Variants in SERAC1 observed in about 807,000 individuals in gnomAD.
SERAC1 encodes protein SERAC1.
In SERAC1, 36 loss-of-function variants were observed where a neutral mutation model predicts 85.7. That is an observed-to-expected ratio of 0.42 (90% CI 0.32 to 0.55). The LOEUF (loss-of-function observed/expected upper bound fraction) is 0.55. Among genes scored for constraint, SERAC1 ranks in the 20% least tolerant of loss-of-function variants. SERAC1 has a pLI of 0.11. For missense variants in SERAC1, 629 were observed against 796.2 expected (o/e 0.79, Z 2.53); for synonymous variants, 242 against 265.3 (o/e 0.91, Z 0.85).
In SERAC1 at chr6:158,111,397, C is replaced by T. The variant is rs775296113; in HGVS notation, c.1934G>A (p.Arg645His). The T allele has an allele frequency of 7.4e-5, 119 of 1,603,018 alleles. No homozygotes were observed. Among genetic ancestry groups the T allele is most frequent in the Non-Finnish European group, 9.2e-5 (108 of 1,176,902 alleles). ...FLYQRTLQFIREALAKDLEN is the reference protein window; with the variant it reads ...FLYQRTLQFIHEALAKDLEN ...TTCAAGGTCTTTGGCTAAAGCTTCA[C>T]GAATGAATTGTAAAGTACGCTGGTA... The change falls in exon 17 of 17, where the codon CGT becomes CAT. Residue 645 changes from arginine to histidine, a missense_variant. By Grantham distance (29) the Arg-to-His change is conservative (BLOSUM62 0). Transcript: ENST00000647468.
Position 158,143,339 on chromosome 6 carries a change from CTCTCTCTCTATATA to C in SERAC1, c.610-169_610-156del, listed in dbSNP as rs1461009012. 2.9e-3 allele frequency among the ~76,000 whole-genome samples: 68 copies of C among 23,300 alleles called. 2 individuals carry two copies. The highest frequency in any genetic ancestry group is 8.0e-3 in the Admixed American group (15 of 1,880). The allele number at this position is 23,300 out of a possible 152,430, so 15.3% of individuals were successfully genotyped here. ...TCTCTCTCTCTCTCTCTCTCTCTCT[CTCTCTCTCTATATA>C]TATATATATATATATATATATACAC... On this transcript the variant is annotated intron_variant, in intron 7 of 16. Transcript: ENST00000647468.
At position 158,143,167 on chromosome 6, in the gene SERAC1, T is replaced by G; in HGVS notation, c.627A>C (p.Glu209Asp). The G allele has an allele frequency of 6.2e-7, 1 of 1,613,518 alleles. No individual in the cohort carries two copies. The highest frequency in any genetic ancestry group is 8.5e-7 in the Non-Finnish European group (1 of 1,179,736). ...PSLKEDSSTE[E>D]ELRQLLASLP... is the part of the protein sequence containing the mutation. ...AGGAAGCCAGCAACTGTCTGAGCTCTTCTTCAGTGGAAGAATCCTGAAATA... is the reference window on the plus strand; with the variant it reads ...AGGAAGCCAGCAACTGTCTGAGCTCGTCTTCAGTGGAAGAATCCTGAAATA... The change falls in exon 8 of 17, where the codon GAA (glutamate) becomes GAC (aspartate). Residue 209 changes from glutamate to aspartate, a missense_variant. By Grantham distance (45) the Glu-to-Asp change is conservative. Coordinates refer to ENST00000647468, the MANE Select transcript of SERAC1 (RefSeq NM_032861.4).
intron 1 of SERAC1, chr6:158,158,881 A>G (rs1328255102): frequency 2.0e-5 from 3 of 152,244 alleles, no homozygotes; most frequent in Non-Finnish European, 4.4e-5. Context: ...CGTTGTTTAA[A>G]ATTTTTGAAA....
chr6:158,154,957 C>A (rs980260811), intron 3 of SERAC1, among the ~76,000 whole-genome samples: 8 of 126,920 alleles, frequency 6.3e-5, no homozygotes, highest in South Asian at 2.8e-4. Context: ...GATTTAAGTG[C>A]GCCGGAGCTG....
chr6:158,144,252 A>T (rs1219720006), intron 7 of SERAC1, 47 bp downstream of exon 7: 3 of 1,478,348 alleles, frequency 2.0e-6, no homozygotes, highest in Non-Finnish European at 2.8e-6. Context: ...ATAATATATT[A>T]AACCATTTTT....
At chr6:158,133,378 A>AT (rs767768720) in intron 8 of SERAC1, among the ~76,000 whole-genome samples, 1,456 of 66,366 alleles carry the variant, frequency 0.022, 24 homozygotes, top group Middle Eastern at 0.061. Context: ...TCTGGTGTTA[A>AT]TTTTTTTTTT....
rs549677025 is a variant in SERAC1 at position 158,146,811 on chromosome 6, C to T, written c.458G>A (p.Arg153Gln). 1.4e-5 allele frequency: 22 copies of T among 1,613,882 alleles called. No individual in the cohort carries two copies. The highest frequency in any genetic ancestry group is 5.5e-5 in the South Asian group (5 of 91,070). Reference sequence around the variant, plus strand: ...CCAGTGATGGGTCTCCGACATTTCCCGCACAGCCTCGAGTCGCGTGGTTTT... The same window carrying T: ...CCAGTGATGGGTCTCCGACATTTCCTGCACAGCCTCGAGTCGCGTGGTTTT... ...DDKTTRLEAV[R>Q]EMSETHHWHD... is the part of the protein sequence containing the mutation. Residue 153 changes from arginine to glutamine, a missense_variant, in exon 6 of 17, where the codon CGG (arginine) becomes CAG (glutamine). Coordinates refer to ENST00000647468, the MANE Select transcript of SERAC1 (RefSeq NM_032861.4).
At chr6:158,141,774 G>T (rs981127117) in intron 8 of SERAC1, among the ~76,000 whole-genome samples, 9 of 152,148 alleles carry the variant, frequency 5.9e-5, no homozygotes, top group African/African-American at 2.2e-4. Flanking sequence ...ATACAGAAAG[G>T]GCTATAGAGG....
At chr6:158,121,801 A>T (rs550354264) in intron 10 of SERAC1, among the ~76,000 whole-genome samples, 1 of 152,344 alleles carries the variant, frequency 6.6e-6, no homozygotes, top group East Asian at 1.9e-4. Context: ...TTTATTTTTA[A>T]TGAAGTCACA....
intron 1 of SERAC1, among the ~76,000 whole-genome samples, chr6:158,165,774 G>A (rs531468494): frequency 1.7e-4 from 26 of 152,218 alleles, no homozygotes; most frequent in Admixed American, 2.6e-4. Flanking sequence ...ACGCAGAGTT[G>A]CTCTTCTCTA....
At chr6:158,111,572 G>A (rs980871833) in intron 16 of SERAC1, 70 bp from the exon 17 acceptor site, 3 of 1,235,500 alleles carry the variant, frequency 2.4e-6, no homozygotes, top group African/African-American at 3.1e-5. Context: ...TACTGAAAGA[G>A]GCCGAATGGG....
intron 14 of SERAC1, 101 bp downstream of exon 14, chr6:158,116,084 C>T (rs1370250331): frequency 7.8e-6 from 7 of 899,152 alleles, no homozygotes; most frequent in Middle Eastern, 2.2e-4. Flanking sequence ...GTAAGGGAGC[C>T]GCTATTAAGT....
At chr6:158,165,487 G>C (rs1463287720) in intron 1 of SERAC1, among the ~76,000 whole-genome samples, 1 of 152,052 alleles carries the variant, frequency 6.6e-6, no homozygotes, top group African/African-American at 2.4e-5. Context: ...AGTGATCTCA[G>C]AGTACCTCTA....
chr6:158,162,234 T>G (rs904816766), intron 1 of SERAC1: 7 of 152,224 alleles, frequency 4.6e-5, no homozygotes, highest in Non-Finnish European at 8.8e-5. Flanking sequence ...CTCACTTTCC[T>G]CATCTATAAA....
intron 6 of SERAC1, among the ~76,000 whole-genome samples, chr6:158,145,545 CA>C (rs1220092248): frequency 8.0e-6 from 1 of 124,640 alleles, no homozygotes; most frequent in Non-Finnish European, 1.6e-5. Flanking sequence ...TTTTTTGAGA[CA>C]GTTTTGCTCT....
chr6:158,160,387 G>T (rs1785461672), intron 1 of SERAC1, among the ~76,000 whole-genome samples: 1 of 152,052 alleles, frequency 6.6e-6, no homozygotes, highest in Non-Finnish European at 1.5e-5. Flanking sequence ...ACCCTTTTTG[G>T]GGGGTCATAA....
chr6:158,124,563 A>C (rs1243693208), intron 10 of SERAC1, among the ~76,000 whole-genome samples: 3 of 152,182 alleles, frequency 2.0e-5, no homozygotes, highest in Non-Finnish European at 2.9e-5. Context: ...AGTTCAGTGG[A>C]GCTCAAGCAG....
intron 5 of SERAC1, among the ~76,000 whole-genome samples, chr6:158,147,800 A>AG (rs1785107906): frequency 7.6e-6 from 1 of 132,368 alleles, no homozygotes; most frequent in South Asian, 2.4e-4. Context: ...AAAAAAAAAA[A>AG]GAATAACATC....
At chr6:158,114,428 T>C (rs951083012) in intron 15 of SERAC1, 13 of 972,494 alleles carry the variant, frequency 1.3e-5, no homozygotes, top group Middle Eastern at 4.7e-4. Context: ...ATACTAACAA[T>C]CTCAAAGTTT....
Sources: allele counts gnomAD v4.1 joint callset (sites outside exome capture counted in the v4.1 genomes callset), GRCh38; gene constraint gnomAD v4.1.1; transcripts MANE v1.5; gene names NCBI Gene and HGNC (gene_info 2026-07-23, HGNC 2026-07-21).